The following UTS2B variants were observed in gnomAD, a reference collection of about 807,000 sequenced individuals.
UTS2B encodes urotensin-2B.
Under a neutral mutation model 19.2 loss-of-function variants are expected in UTS2B, and 21 were observed. The observed-to-expected ratio is 1.09, with a 90% CI of 0.78 to 1.58. The LOEUF (loss-of-function observed/expected upper bound fraction) is 1.58, where lower values mean the gene tolerates loss of function less well. Ranked by LOEUF, UTS2B falls within the 40% of genes most tolerant of loss-of-function variation. UTS2B has a pLI of 0.00. For missense variants in UTS2B, 138 were observed against 130.3 expected, an observed-to-expected ratio of 1.06 and a Z score of -0.29; for synonymous variants, 57 against 50.2, an observed-to-expected ratio of 1.14 and a Z score of -0.58.
chr3:191,319,867 CAAAAA>C (rs535836438), intron 2 of UTS2B, among the ~76,000 whole-genome samples: 29 of 73,030 alleles, frequency 4.0e-4, no homozygotes, highest in Admixed American at 2.9e-3. Flanking sequence ...GACTTGGTCT[CAAAAA>C]AAAAAAAAAG....
Position 191,268,369 on chromosome 3 carries a change from A to G in UTS2B, c.*47T>C, listed in dbSNP as rs887831504. On this transcript the variant is annotated 3_prime_UTR_variant, in exon 9 of 9. Coordinates refer to ENST00000340524, the MANE Select transcript of UTS2B (RefSeq NM_198152.5). ...CCTACAGCAGAGTGAGTAGATACAT[A>G]TATTTTCCTGATATTCTTATCTTTT... 1.4e-6 allele frequency: 2 copies of G among 1,454,010 alleles called. No homozygotes were observed. The highest frequency in any genetic ancestry group is 1.8e-5 in the Admixed American group (1 of 54,862). 90.1% of individuals were successfully genotyped at this position (1,454,010 alleles called of 1,614,324 possible).
In UTS2B at chr3:191,310,241, C is replaced by T. The variant is rs542561255; in HGVS notation, c.-181-5693G>A. ...TCAGCCTCCCAAAGTGCTGGGATTA[C>T]AGGCGTAAGCCACCGCACCCAGCCA... On this transcript the variant is annotated intron_variant, in intron 3 of 8. Coordinates refer to ENST00000340524, the MANE Select transcript of UTS2B (RefSeq NM_198152.5). Among the ~76,000 whole-genome samples, 16 of 152,026 alleles carry T rather than the reference C, an allele frequency of 1.1e-4. No homozygotes were observed. The South Asian group carries it at 3.1e-3, about 30-fold the overall frequency.
At chr3:191,286,922 GAA>G (rs34503274) in intron 4 of UTS2B, among the ~76,000 whole-genome samples, 5 of 149,390 alleles carry the variant, frequency 3.3e-5, no homozygotes, top group Non-Finnish European at 4.5e-5. Context: ...GAATGTAATA[GAA>G]AAAAAAAATT....
intron 3 of UTS2B, among the ~76,000 whole-genome samples, chr3:191,315,429 G>A (rs1717422147): frequency 6.6e-6 from 1 of 152,194 alleles, no homozygotes; most frequent in Non-Finnish European, 1.5e-5. Context: ...AGGAAGTGAA[G>A]GGCAGTCTTG....
chr3:191,331,727 A>G (rs74405890), upstream of UTS2B, among the ~76,000 whole-genome samples: 916 of 152,298 alleles, frequency 6.0e-3, 10 homozygotes, highest in African/African-American at 0.022. Flanking sequence ...AGAAGTATTC[A>G]AGTCTAATAA....
rs867455166 is a variant in UTS2B at position 191,329,816 on chromosome 3, G to T, written c.-665+598C>A. ...GGGCGTTGCCATTTCGGCTCCCGCG[G>T]CCCTCGCCCGGTGCCCGCCCTGCGT... On this transcript the variant is annotated intron_variant, in intron 1 of 8. Transcript: ENST00000340524. The T allele has an allele frequency of 2.0e-5, 27 of 1,368,952 alleles. 1 individual carries two copies. In the Middle Eastern group the frequency reaches 5.1e-3, roughly 259 times the overall value. The allele number at this position is 1,368,952 out of a possible 1,614,324, so 84.8% of individuals were successfully genotyped here. A position where few individuals can be genotyped will look rare whatever the true frequency, so the allele number is the denominator to read the frequency against.
chr3:191,301,804 TAATAC>T (rs1717010645), intron 4 of UTS2B, among the ~76,000 whole-genome samples: 1 of 152,160 alleles, frequency 6.6e-6, no homozygotes, highest in African/African-American at 2.4e-5. Context: ...TTGGTAATAT[TAATAC>T]ATCTATGGAA....
intron 2 of UTS2B, among the ~76,000 whole-genome samples, chr3:191,321,951 T>C (rs4632589): frequency 0.58 from 88,747 of 151,858 alleles, 26,707 homozygotes; most frequent in African/African-American, 0.73. Context: ...TGCTTGAATC[T>C]GGGAGGCGGA....
upstream of UTS2B, among the ~76,000 whole-genome samples, chr3:191,334,054 A>G (rs554012228): frequency 1.3e-5 from 2 of 152,288 alleles, no homozygotes; most frequent in South Asian, 2.1e-4. Context: ...TACTTGAGTA[A>G]TAATAGGTTT....
intron 4 of UTS2B, 138 bp from the exon 5 acceptor site, chr3:191,282,451 C>T (rs1285429830): frequency 2.4e-5 from 8 of 334,998 alleles, no homozygotes; most frequent in Non-Finnish European, 4.3e-5. Context: ...CAATACATCT[C>T]ATACCCGCCC....
the UTS2B span, among the ~76,000 whole-genome samples, chr3:191,344,027 G>A: frequency 6.6e-6 from 1 of 152,242 alleles, no homozygotes; most frequent in Admixed American, 6.5e-5. Context: ...CAGCATAGGA[G>A]AAATGTAAAT....
At chr3:191,306,139 TGGCTATTCG>T (rs1717134717) in intron 3 of UTS2B, among the ~76,000 whole-genome samples, 1 of 152,224 alleles carries the variant, frequency 6.6e-6, no homozygotes, top group South Asian at 2.1e-4. Context: ...AGGATTGCTG[TGGCTATTCG>T]GGCTCTTTTC....
chr3:191,307,837 CT>C (rs34254108), intron 3 of UTS2B, among the ~76,000 whole-genome samples: 4,517 of 138,284 alleles, frequency 0.033, 126 homozygotes, highest in African/African-American at 0.095. Flanking sequence ...GTTTTCTTCT[CT>C]TTTTTTTTTT....
intron 4 of UTS2B, among the ~76,000 whole-genome samples, chr3:191,290,108 CAAAG>C (rs2108583463): frequency 6.6e-6 from 1 of 152,206 alleles, no homozygotes; most frequent in South Asian, 2.1e-4. Flanking sequence ...GAGACATAGA[CAAAG>C]AAGTCCCTGT....
intron 4 of UTS2B, among the ~76,000 whole-genome samples, chr3:191,292,969 C>T: frequency 6.6e-6 from 1 of 151,820 alleles, no homozygotes; most frequent in East Asian, 1.9e-4. Context: ...GCACACTGCG[C>T]TCCAGCCTGG....
chr3:191,268,434 A>AAAGCAAGCTT lies in UTS2B; in HGVS notation c.341_342insAAGCTTGCTT (p.Phe114LeufsTer34). 13 of 1,560,110 alleles carry AAAGCAAGCTT rather than the reference A, an allele frequency of 8.3e-6. No individual in the cohort carries two copies. Among genetic ancestry groups the AAAGCAAGCTT allele is most frequent in the Non-Finnish European group, 1.1e-5 (13 of 1,141,542 alleles). On this transcript the variant is annotated frameshift_variant, in exon 9 of 9. Coordinates refer to ENST00000340524, the MANE Select transcript of UTS2B (RefSeq NM_198152.5). LOFTEE classifies it high-confidence loss of function. ...AAAAGCTTTAAACACAGTATTTCCAAAAGCAAGCTAAAGAAGAAAACAAAA... is the reference window on the plus strand; with the variant it reads ...AAAAGCTTTAAACACAGTATTTCCAAAAGCAAGCTTAAGCAAGCTAAAGAAGAAAACAAAA...
At chr3:191,316,833 G>C (rs1717467715) in intron 2 of UTS2B, among the ~76,000 whole-genome samples, 1 of 152,168 alleles carries the variant, frequency 6.6e-6, no homozygotes, top group Non-Finnish European at 1.5e-5. Flanking sequence ...GGTGCTGATT[G>C]GTGCATCCAC....
At chr3:191,342,023 A>G in the UTS2B span, among the ~76,000 whole-genome samples, 2 of 152,236 alleles carry the variant, frequency 1.3e-5, no homozygotes, top group Non-Finnish European at 2.9e-5. Context: ...GATTCTAGGA[A>G]TGTACCCATG....
chr3:191,302,076 T>C (rs1717019194), intron 4 of UTS2B, among the ~76,000 whole-genome samples: 1 of 152,188 alleles, frequency 6.6e-6, no homozygotes, highest in African/African-American at 2.4e-5. Flanking sequence ...ATGCAGGTCA[T>C]GCAGACACTG....
Sources: allele counts gnomAD v4.1 joint callset (sites outside exome capture counted in the v4.1 genomes callset), GRCh38; gene constraint gnomAD v4.1.1; transcripts MANE v1.5; gene names NCBI Gene and HGNC (gene_info 2026-07-23, HGNC 2026-07-21).